Variants in RPS6KA3 observed in about 807,000 individuals in gnomAD.
RPS6KA3 encodes ribosomal protein S6 kinase alpha-3.
A neutral mutation model predicts 67.2 loss-of-function variants in RPS6KA3; 4 were observed. The observed-to-expected ratio is 0.06, with a 90% CI of 0.03 to 0.14. The LOEUF (loss-of-function observed/expected upper bound fraction) is 0.14, where lower values mean the gene tolerates loss of function less well. RPS6KA3 is among the 10% of genes least tolerant of loss of function. RPS6KA3 has a pLI of 1.00. For missense variants in RPS6KA3, 204 were observed against 559.0 expected (o/e 0.36, Z 6.40); for synonymous variants, 182 against 183.7 (o/e 0.99, Z 0.07).
chrX:20,250,284 G>C (rs1826584434), intron 1 of RPS6KA3, among the ~76,000 whole-genome samples: 1 of 111,540 alleles, frequency 9.0e-6, no homozygotes, highest in African/African-American at 3.3e-5. Context: ...GAACTCCTGG[G>C]CTCAAGGGCT....
At chrX:20,178,600 G>A (rs781337533) in intron 10 of RPS6KA3, among the ~76,000 whole-genome samples, 1 of 92,688 alleles carries the variant, frequency 1.1e-5, no homozygotes, top group South Asian at 5.8e-4. Flanking sequence ...AGCCTCCCAA[G>A]TAGTTGGGAT....
At chrX:20,237,879 A>G (rs1022625288) in intron 1 of RPS6KA3, among the ~76,000 whole-genome samples, 1 of 111,608 alleles carries the variant, frequency 9.0e-6, no homozygotes, top group Middle Eastern at 4.6e-3. Context: ...TACTACCAGG[A>G]CAAGAATGTA....
chrX:20,152,058 T>C lies in RPS6KA3; in HGVS notation c.*3340A>G, dbSNP rs1186799664. On this transcript the variant is annotated 3_prime_UTR_variant, in exon 22 of 22. Transcript: ENST00000379565. Reference sequence around the variant, plus strand: ...CCCAAACCCGCTTTTTGGAGTACACTGCATGTGAAATGTGGAAACTCTACA... The same window carrying C: ...CCCAAACCCGCTTTTTGGAGTACACCGCATGTGAAATGTGGAAACTCTACA... 1.8e-5 allele frequency: 2 copies of C among 112,186 alleles called. No individual in the cohort carries two copies. The highest frequency in any genetic ancestry group is 6.5e-5 in the African/African-American group (2 of 30,803). The allele number at this position is 112,186 out of a possible 1,213,427, so 9.2% of individuals were successfully genotyped here. A position where few individuals can be genotyped will look rare whatever the true frequency, so the allele number is the denominator to read the frequency against.
At chrX:20,246,122 G>GAAA (rs5901672) in intron 1 of RPS6KA3, among the ~76,000 whole-genome samples, 2 of 52,845 alleles carry the variant, frequency 3.8e-5, no homozygotes, top group Admixed American at 2.6e-4. Flanking sequence ...TCTCGGAAAA[G>GAAA]AAAAAAAAAA....
intron 11 of RPS6KA3, 74 bp downstream of exon 11, chrX:20,176,922 A>C: frequency 1.3e-6 from 1 of 798,099 alleles, no homozygotes; most frequent in Non-Finnish European, 1.9e-6. Flanking sequence ...TCCACCACAA[A>C]ACAAATATCT....
chrX:20,191,504 C>T (rs997677503), intron 7 of RPS6KA3, among the ~76,000 whole-genome samples: 5 of 111,725 alleles, frequency 4.5e-5, no homozygotes, highest in Non-Finnish European at 9.4e-5. Flanking sequence ...AAAAGCGGTA[C>T]TATTTCTCCA....
chrX:20,214,772 C>T (rs1470837361), intron 2 of RPS6KA3, among the ~76,000 whole-genome samples: 3 of 110,249 alleles, frequency 2.7e-5, no homozygotes, highest in African/African-American at 6.6e-5. Flanking sequence ...GAATATTGTA[C>T]GTCTGAAATG....
chrX:20,222,398 T>A (rs1173358311), intron 2 of RPS6KA3, among the ~76,000 whole-genome samples: 1 of 112,173 alleles, frequency 8.9e-6, no homozygotes, highest in African/African-American at 3.2e-5. Flanking sequence ...ATGACATTAT[T>A]ACCTATCTCA....
intron 1 of RPS6KA3, among the ~76,000 whole-genome samples, chrX:20,254,780 C>T (rs748636246): frequency 1.8e-5 from 2 of 111,372 alleles, no homozygotes; most frequent in African/African-American, 6.5e-5. Context: ...AAATCAAAAC[C>T]ACAATGAGAT....
intron 2 of RPS6KA3, among the ~76,000 whole-genome samples, chrX:20,220,237 A>T (rs1423103031): frequency 2.7e-5 from 3 of 111,957 alleles, no homozygotes; most frequent in Non-Finnish European, 5.6e-5. Context: ...CAATTTAAAA[A>T]ATTATCTTAT....
intron 1 of RPS6KA3, among the ~76,000 whole-genome samples, chrX:20,256,187 A>G (rs2070053867): frequency 1.9e-5 from 2 of 104,217 alleles, no homozygotes; most frequent in African/African-American, 3.5e-5. Context: ...AAAAAAAAAA[A>G]AAAAAAAAAA....
chrX:20,238,274 A>C (rs886247514), intron 1 of RPS6KA3, among the ~76,000 whole-genome samples: 2 of 111,344 alleles, frequency 1.8e-5, no homozygotes, highest in African/African-American at 6.5e-5. Context: ...TTGTCCTAGA[A>C]AATAAACTTA....
chrX:20,159,430 C>A (rs1407982857), intron 20 of RPS6KA3, among the ~76,000 whole-genome samples: 1 of 112,294 alleles, frequency 8.9e-6, no homozygotes, highest in Non-Finnish European at 1.9e-5. Flanking sequence ...GGGGATACAC[C>A]CAGATTGATA....
intron 9 of RPS6KA3, among the ~76,000 whole-genome samples, chrX:20,187,132 G>A (rs1337823168): frequency 8.9e-6 from 1 of 111,786 alleles, no homozygotes; most frequent in Non-Finnish European, 1.9e-5. Context: ...GGCCAGGCTG[G>A]TTTCGAACTC....
Position 20,176,578 on chromosome X carries a change from CTAAT to C in RPS6KA3, c.935-84_935-81del, listed in dbSNP as rs754409176. Reference sequence around the variant, plus strand: ...CTCAGCCTTTGTTTTCAATACTTGTCTAATTAATTAATTAATTAATTAATTAATT... The same window carrying C: ...CTCAGCCTTTGTTTTCAATACTTGTCTAATTAATTAATTAATTAATTAATT... On this transcript the variant is annotated intron_variant, in intron 11 of 21. Transcript: ENST00000379565. 1,573 of 585,461 alleles carry C rather than the reference CTAAT, an allele frequency of 2.7e-3. 19 individuals are homozygous for C. Among genetic ancestry groups the C allele is most frequent in the African/African-American group, 0.023 (994 of 42,464 alleles). 48.2% of individuals were successfully genotyped at this position (585,461 alleles called of 1,213,427 possible). A position where few individuals can be genotyped will look rare whatever the true frequency, so the allele number is the denominator to read the frequency against.
chrX:20,172,664 C>CA (rs2067601047), intron 15 of RPS6KA3, 82 bp downstream of exon 15: 3 of 865,084 alleles, frequency 3.5e-6, no homozygotes, highest in Non-Finnish European at 5.0e-6. Context: ...CTTTTAACAA[C>CA]AAGGGGAGTG....
At chrX:20,240,869 C>T (rs2069532816) in intron 1 of RPS6KA3, among the ~76,000 whole-genome samples, 1 of 110,975 alleles carries the variant, frequency 9.0e-6, no homozygotes, top group Non-Finnish European at 1.9e-5. Flanking sequence ...TTTGCATCCC[C>T]TCCTCCCAAC....
chrX:20,220,112 T>C (rs2068951698), intron 2 of RPS6KA3, among the ~76,000 whole-genome samples: 1 of 110,985 alleles, frequency 9.0e-6, no homozygotes, highest in Non-Finnish European at 1.9e-5. Context: ...GACCATTTTG[T>C]GCTACAGATT....
At chrX:20,182,025 C>T (rs2067854163) in intron 10 of RPS6KA3, among the ~76,000 whole-genome samples, 1 of 111,562 alleles carries the variant, frequency 9.0e-6, no homozygotes, top group Admixed American at 9.6e-5. Context: ...AGTGAACATT[C>T]ATTTATGTAG....
Sources: allele counts gnomAD v4.1 joint callset (sites outside exome capture counted in the v4.1 genomes callset), GRCh38; gene constraint gnomAD v4.1.1; transcripts MANE v1.5; gene names NCBI Gene and HGNC (gene_info 2026-07-23, HGNC 2026-07-21).